Variants in C3orf70 observed in about 807,000 individuals in gnomAD.
The protein encoded by C3orf70 is UPF0524 protein C3orf70.
A neutral mutation model predicts 20.7 loss-of-function variants in C3orf70; 15 were observed. The observed-to-expected ratio is 0.72, with a 90% CI of 0.48 to 1.11. The LOEUF is 1.11. C3orf70 is among the 50% of genes most tolerant of loss of function. The probability of loss-of-function intolerance (pLI) is 0.00; values close to 1 mark genes in which losing one functional copy is unlikely to be tolerated. For missense variants in C3orf70, 332 were observed against 317.6 expected, an observed-to-expected ratio of 1.05 and a Z score of -0.34; for synonymous variants, 161 against 125.7, an observed-to-expected ratio of 1.28 and a Z score of -1.88.
At chr3:185,142,289 T>C (rs569931389) in intron 1 of C3orf70, among the ~76,000 whole-genome samples, 1 of 151,952 alleles carries the variant, frequency 6.6e-6, no homozygotes, top group African/African-American at 2.4e-5. Context: ...GAAACCCCCC[T>C]CTCTACAAAA....
chr3:185,151,336 G>A (rs1716986091), intron 1 of C3orf70, among the ~76,000 whole-genome samples: 1 of 152,190 alleles, frequency 6.6e-6, no homozygotes, highest in Non-Finnish European at 1.5e-5. Flanking sequence ...CCCACGAAAT[G>A]AATGAAAGTC....
chr3:185,087,346 A>C (rs1031904809), intron 1 of C3orf70, among the ~76,000 whole-genome samples: 6 of 152,212 alleles, frequency 3.9e-5, no homozygotes, highest in Admixed American at 2.0e-4. Flanking sequence ...AATGGAAAGC[A>C]GAGTCTCAGG....
Position 185,152,970 on chromosome 3 carries a change from G to T in C3orf70, c.-147C>A, listed in dbSNP as rs1717028808. 1.6e-6 allele frequency: 1 copy of T among 630,056 alleles called. No individual in the cohort carries two copies. The highest frequency in any genetic ancestry group is 2.2e-6 in the Non-Finnish European group (1 of 448,434). The allele number at this position is 630,056 out of a possible 1,614,324, so 39.0% of individuals were successfully genotyped here. A position where few individuals can be genotyped will look rare whatever the true frequency, so the allele number is the denominator to read the frequency against. On this transcript the variant is annotated 5_prime_UTR_variant, in exon 1 of 2. Transcript: ENST00000335012. ...ACGCGGCGGCGGCGGGAGCGCGGCGGTCCCAGGCTCGAGGAGGAGCCGCCC... is the reference window on the plus strand; with the variant it reads ...ACGCGGCGGCGGCGGGAGCGCGGCGTTCCCAGGCTCGAGGAGGAGCCGCCC...
At position 185,083,208 on chromosome 3, in the gene C3orf70, G is replaced by A. The variant is rs2108585502; in HGVS notation, c.552C>T (p.Pro184=). 1 of 1,614,178 alleles carries A rather than the reference G, an allele frequency of 6.2e-7. No individual in the cohort carries two copies. Among genetic ancestry groups the A allele is most frequent in the Non-Finnish European group, 8.5e-7 (1 of 1,180,030 alleles). ...TGATCCCAGAGTCCTCAGAACTTGA[G>A]GGAGAAGAGCAGTGATCTATTTTTG... ...NTPKIDHCSS[P]SSSEDSGINA... Residue 184 remains proline (P), a synonymous_variant, in exon 2 of 2, where the codon CCC becomes CCT. Transcript: ENST00000335012.
chr3:185,095,735 CTTTT>C (rs756180408), intron 1 of C3orf70, among the ~76,000 whole-genome samples: 11 of 127,552 alleles, frequency 8.6e-5, no homozygotes, highest in South Asian at 2.6e-4. Context: ...CATTCTGAAA[CTTTT>C]TTTTTTTTTT....
At position 185,078,347 on chromosome 3, in the gene C3orf70, C is replaced by T. The variant is rs74656805; in HGVS notation, c.*4660G>A. 0.049 allele frequency: 7,497 copies of T among 152,528 alleles called. 276 individuals carry two copies. Among genetic ancestry groups the T allele is most frequent in the Non-Finnish European group, 0.072 (4,927 of 68,026 alleles). The allele number at this position is 152,528 out of a possible 1,614,324, so 9.4% of individuals were successfully genotyped here. On this transcript the variant is annotated 3_prime_UTR_variant, in exon 2 of 2. Transcript: ENST00000335012. ...AGAAGTGTTCAGGCTACTAAGAGAA[C>T]ACTGCTTCAACCTTAATCGAAAAAA... is the stretch of plus-strand genomic sequence containing the variant.
chr3:185,089,661 A>T (rs1364946488), intron 1 of C3orf70, among the ~76,000 whole-genome samples: 6 of 152,222 alleles, frequency 3.9e-5, no homozygotes, highest in African/African-American at 1.2e-4. Context: ...ATAATATAAA[A>T]ATATCACAAA....
rs1366624713 is a variant in C3orf70 at position 185,152,798 on chromosome 3, G to T, written c.26C>A (p.Ser9Ter). 3.2e-6 allele frequency: 5 copies of T among 1,566,012 alleles called. No individual in the cohort carries two copies. Among genetic ancestry groups the T allele is most frequent in the Non-Finnish European group, 4.3e-6 (5 of 1,154,656 alleles). MSAAASPA[S>*]ERGWKSEKLD... Reference sequence around the variant, plus strand: ...TTTCTCGCTCTTCCAACCCCGCTCCGACGCCGGCGAGGCCGCCGCACTCAT... The same window carrying T: ...TTTCTCGCTCTTCCAACCCCGCTCCTACGCCGGCGAGGCCGCCGCACTCAT... Residue 9 changes from serine (S) to a stop codon, truncating the protein, a stop_gained, in exon 1 of 2, where the codon TCG (serine) becomes TAG (stop). Transcript: ENST00000335012. LOFTEE classifies it high-confidence loss of function.
At chr3:185,120,270 T>C (rs767349716) in intron 1 of C3orf70, among the ~76,000 whole-genome samples, 5 of 152,166 alleles carry the variant, frequency 3.3e-5, no homozygotes, top group Non-Finnish European at 5.9e-5. Flanking sequence ...ATATGTACTA[T>C]CTGCCAGACA....
intron 1 of C3orf70, among the ~76,000 whole-genome samples, chr3:185,102,444 T>C (rs1245185403): frequency 1.3e-5 from 2 of 152,214 alleles, no homozygotes; most frequent in African/African-American, 4.8e-5. Context: ...TCCATGCTTG[T>C]TATTAGAAAG....
chr3:185,152,637 A>C lies in C3orf70; in HGVS notation c.187T>G (p.Trp63Gly). The change falls in exon 1 of 2, where the codon TGG becomes GGG. Residue 63 changes from tryptophan to glycine, a missense_variant. Transcript: ENST00000335012. ...ACGCGGCTCGACTTACAGTGACACC[A>C]TCCTAGGTGACAGCACCAGTGCAGC... is the stretch of plus-strand genomic sequence containing the variant. ...FKLHWCCHLG[W>G]CHCKYMYQPM... 1 of 1,575,682 alleles carries C rather than the reference A, an allele frequency of 6.3e-7. No individual in the cohort carries two copies. Among genetic ancestry groups the C allele is most frequent in the Non-Finnish European group, 8.6e-7 (1 of 1,161,212 alleles).
At chr3:185,131,800 T>C (rs1716528646) in intron 1 of C3orf70, among the ~76,000 whole-genome samples, 1 of 152,264 alleles carries the variant, frequency 6.6e-6, no homozygotes, top group Non-Finnish European at 1.5e-5. Flanking sequence ...TTTTGGTTTC[T>C]GTAACCTTTT....
chr3:185,115,628 A>G (rs913553228), intron 1 of C3orf70, among the ~76,000 whole-genome samples: 1 of 152,210 alleles, frequency 6.6e-6, no homozygotes, highest in African/African-American at 2.4e-5. Context: ...TGAGCCAACC[A>G]AAGGTAATGC....
chr3:185,104,623 C>T (rs1469490917), intron 1 of C3orf70, among the ~76,000 whole-genome samples: 1 of 152,068 alleles, frequency 6.6e-6, no homozygotes, highest in African/African-American at 2.4e-5. Flanking sequence ...GGTACACATA[C>T]ACCATGGAAA....
Position 185,077,494 on chromosome 3 carries a change from A to G in C3orf70, c.*5513T>C, listed in dbSNP as rs10937203. On this transcript the variant is annotated 3_prime_UTR_variant, in exon 2 of 2. Transcript: ENST00000335012. ...AGCTTAAGGTAGCCATTGAACTATA[A>G]TTAATATTAACAAGGATTTTATTAC... Among the ~76,000 whole-genome samples, 44,534 of 152,036 alleles carry G rather than the reference A, an allele frequency of 0.29. 7,164 individuals are homozygous for G. Among genetic ancestry groups the G allele is most frequent in the East Asian group, 0.56 (2,923 of 5,174 alleles).
At chr3:185,118,074 G>A (rs943353480) in intron 1 of C3orf70, among the ~76,000 whole-genome samples, 4 of 152,020 alleles carry the variant, frequency 2.6e-5, no homozygotes, top group Non-Finnish European at 4.4e-5. Flanking sequence ...CTCTTCATAT[G>A]CCTAAAAAGG....
At chr3:185,091,305 T>TTAGAC (rs1715565197) in intron 1 of C3orf70, among the ~76,000 whole-genome samples, 1 of 151,956 alleles carries the variant, frequency 6.6e-6, no homozygotes, top group African/African-American at 2.4e-5. Flanking sequence ...GCATTTGGGG[T>TTAGAC]TAGACAGTCG....
intron 1 of C3orf70, among the ~76,000 whole-genome samples, chr3:185,119,434 C>G (rs1458379537): frequency 6.6e-6 from 1 of 151,512 alleles, no homozygotes; most frequent in South Asian, 2.1e-4. Context: ...GGGCAGATCA[C>G]GAAGTCAGGA....
intron 1 of C3orf70, among the ~76,000 whole-genome samples, chr3:185,097,644 A>G (rs1477680567): frequency 1.3e-5 from 2 of 152,242 alleles, no homozygotes; most frequent in Non-Finnish European, 2.9e-5. Context: ...GCAGAGCATC[A>G]TGGCTGGCCA....
Sources: gnomAD v4.1 joint callset for allele counts (sites outside exome capture counted in the v4.1 genomes callset) on GRCh38, gnomAD v4.1.1 for gene constraint, MANE v1.5 for transcripts, NCBI Gene and HGNC (gene_info 2026-07-23, HGNC 2026-07-21) for gene names.